The following SYCP3 variants were observed in gnomAD, a reference collection of about 807,000 sequenced individuals.
SYCP3 encodes the protein synaptonemal complex protein 3.
A neutral mutation model predicts 38.5 loss-of-function variants in SYCP3; 29 were observed. That is an observed-to-expected ratio of 0.75 (90% confidence interval 0.56 to 1.03). SYCP3 has a LOEUF of 1.03. Among genes scored for constraint, SYCP3 ranks in the 50% least tolerant of loss-of-function variants. The probability of loss-of-function intolerance (pLI) is 0.00; values close to 1 mark genes in which losing one functional copy is unlikely to be tolerated. For synonymous variants in SYCP3, 79 were observed against 80.3 expected (o/e 0.98, Z 0.08); for missense variants, 242 against 270.7 (o/e 0.89, Z 0.74).
chr12:101,728,917 CAA>C lies in SYCP3; in HGVS notation c.*8_*9del. The C allele has an allele frequency of 1.2e-6, 2 of 1,613,424 alleles. No homozygotes were observed. Among genetic ancestry groups the C allele is most frequent in the Non-Finnish European group, 8.5e-7 (1 of 1,179,658 alleles). ...ATTACTTAGGTTCAAGTTCTTTCTT[CAA>C]AGAGTCATCAGAATAACATGGATTG... On this transcript the variant is annotated 3_prime_UTR_variant, in exon 9 of 9. Coordinates refer to ENST00000392924, the MANE Select transcript of SYCP3 (RefSeq NM_001177949.2).
intron 5 of SYCP3, among the ~76,000 whole-genome samples, 180 bp from the exon 6 acceptor site, chr12:101,733,854 T>C (rs1157660316): frequency 6.6e-6 from 1 of 152,230 alleles, no homozygotes; most frequent in Non-Finnish European, 1.5e-5. Context: ...GTATTTTTTT[T>C]CTAACAAACT....
Position 101,731,607 on chromosome 12 carries a change from T to C in SYCP3, c.513A>G (p.Arg171=). The stretch of plus-strand genomic sequence containing the variant: ...CATATAACTGTTTAATTGTTTTCAA[T>C]CTCTGGCTCTGAACAATTCTAGATT... ...LQQSRIVQSQ[R]LKTIKQLYEQ... Residue 171 remains arginine, a synonymous_variant, in exon 7 of 9, where the codon AGA becomes AGG. Coordinates refer to ENST00000392924, the MANE Select transcript of SYCP3 (RefSeq NM_001177949.2). The C allele has an allele frequency of 1.2e-6, 2 of 1,607,284 alleles. No individual in the cohort carries two copies. Among genetic ancestry groups the C allele is most frequent in the Non-Finnish European group, 1.7e-6 (2 of 1,178,332 alleles).
At chr12:101,737,397 CT>C in intron 2 of SYCP3, 99 bp from the exon 3 acceptor site, 1 of 1,165,070 alleles carries the variant, frequency 8.6e-7, no homozygotes. Context: ...GATTTTTAGG[CT>C]TTTTGCCAAC....
At chr12:101,735,869 A>ATTTTTTT (rs1333301972) in intron 4 of SYCP3, among the ~76,000 whole-genome samples, 1 of 60,120 alleles carries the variant, frequency 1.7e-5, no homozygotes, top group South Asian at 5.4e-4. Flanking sequence ...ATATATATAT[A>ATTTTTTT]TATTTTTTTT....
intron 6 of SYCP3, chr12:101,732,008 T>G (rs1174612577): frequency 4.4e-6 from 1 of 227,092 alleles, no homozygotes; most frequent in African/African-American, 2.3e-5. Context: ...ACTTTAGCCA[T>G]TGACTTACAT....
chr12:101,732,907 A>T (rs1056311286), intron 6 of SYCP3: 1 of 152,290 alleles, frequency 6.6e-6, no homozygotes, highest in African/African-American at 2.4e-5. Flanking sequence ...ACCTCAGGTG[A>T]TCCACCCGCC....
chr12:101,734,151 TATACG>T (rs1231885918), intron 5 of SYCP3, among the ~76,000 whole-genome samples: 6 of 152,370 alleles, frequency 3.9e-5, no homozygotes, highest in South Asian at 2.1e-4. Flanking sequence ...ATACAAATTA[TATACG>T]ATACAAGATT....
At chr12:101,733,811 A>C (rs371689809) in intron 5 of SYCP3, 137 bp from the exon 6 acceptor site, 2 of 727,302 alleles carry the variant, frequency 2.7e-6, no homozygotes, top group African/African-American at 3.6e-5. Flanking sequence ...GGGAAACCAA[A>C]AAGTAAAATT....
chr12:101,733,426 C>T (rs749699526), intron 6 of SYCP3, 149 bp downstream of exon 6: 18 of 682,938 alleles, frequency 2.6e-5, no homozygotes, highest in Admixed American at 4.7e-5. Flanking sequence ...TGTGCCTATA[C>T]GTCTGTGGTT....
chr12:101,735,871 A>ATATATATATTTTTTTTTTT, intron 4 of SYCP3, among the ~76,000 whole-genome samples: 20 of 74,754 alleles, frequency 2.7e-4, no homozygotes, highest in African/African-American at 1.1e-3. Context: ...ATATATATAT[A>ATATATATATTTTTTTTTTT]TTTTTTTTTT....
chr12:101,735,910 G>T (rs1252370563), intron 4 of SYCP3, among the ~76,000 whole-genome samples: 3 of 99,514 alleles, frequency 3.0e-5, no homozygotes, highest in African/African-American at 1.4e-4. Context: ...TCACTATGTT[G>T]ACCAAGCTGG....
chr12:101,735,869 A>ATTTTTT (rs1333301972), intron 4 of SYCP3, among the ~76,000 whole-genome samples: 1 of 60,120 alleles, frequency 1.7e-5, no homozygotes, highest in African/African-American at 7.8e-5. Context: ...ATATATATAT[A>ATTTTTT]TATTTTTTTT....
chr12:101,734,326 G>C (rs1475123956), intron 5 of SYCP3, among the ~76,000 whole-genome samples: 1 of 152,186 alleles, frequency 6.6e-6, no homozygotes, highest in African/African-American at 2.4e-5. Context: ...TTGGGAGGCT[G>C]AGGTGAGAGG....
At chr12:101,730,361 T>C (rs73392423) in intron 7 of SYCP3, among the ~76,000 whole-genome samples, 4,220 of 152,222 alleles carry the variant, frequency 0.028, 192 homozygotes, top group African/African-American at 0.096. Context: ...AGTGATAACA[T>C]TTAGAAGAAA....
chr12:101,735,302 G>A (rs1952358391), intron 4 of SYCP3, among the ~76,000 whole-genome samples: 1 of 151,964 alleles, frequency 6.6e-6, no homozygotes, highest in Non-Finnish European at 1.5e-5. Flanking sequence ...ATAAAAAAGA[G>A]CTAATAAACA....
chr12:101,729,341 T>C, intron 7 of SYCP3, 128 bp from the exon 8 acceptor site: 4 of 940,162 alleles, frequency 4.3e-6, no homozygotes, highest in South Asian at 3.3e-5. Flanking sequence ...GAAATAAAAA[T>C]ATTCTAAGTA....
At chr12:101,739,299 G>A in intron 1 of SYCP3, 52 bp downstream of exon 1, 1 of 1,002,474 alleles carries the variant, frequency 1.0e-6, no homozygotes, top group Non-Finnish European at 1.2e-6. Context: ...CTGGTCAAGG[G>A]CAGCCTCTGG....
At chr12:101,729,350 T>G in intron 7 of SYCP3, 137 bp from the exon 8 acceptor site, 1 of 871,072 alleles carries the variant, frequency 1.1e-6, no homozygotes, top group Non-Finnish European at 1.8e-6. Context: ...ATATTCTAAG[T>G]AATACATGAA....
rs1211922276 is a variant in SYCP3 at position 101,729,233 on chromosome 12, G to GTT, written c.553-22_553-21dup. 1 of 1,610,510 alleles carries GTT rather than the reference G, an allele frequency of 6.2e-7. No homozygotes were observed. The highest frequency in any genetic ancestry group is 2.2e-5 in the East Asian group (1 of 44,670). On this transcript the variant is annotated intron_variant, in intron 7 of 8. Transcript: ENST00000392924. ...CATACTCTAAAAACACAAAAGACAA[G>GTT]TTAAGTTACAAAGGACCACTTTTCA...
Sources: allele counts gnomAD v4.1 joint callset (sites outside exome capture counted in the v4.1 genomes callset), GRCh38; gene constraint gnomAD v4.1.1; transcripts MANE v1.5; gene names NCBI Gene and HGNC (gene_info 2026-07-23, HGNC 2026-07-21).